TMEM132E: variants seen among roughly 807,000 people sequenced by gnomAD.
The protein encoded by TMEM132E is transmembrane protein 132E.
TMEM132E carries 49 observed loss-of-function variants against 78.5 expected under a neutral mutation model. The observed-to-expected ratio is 0.62, with a 90% CI of 0.50 to 0.79. The LOEUF (loss-of-function observed/expected upper bound fraction) is 0.79, where lower values mean the gene tolerates loss of function less well. Among genes scored for constraint, TMEM132E ranks in the 30% least tolerant of loss-of-function variants. TMEM132E has a pLI of 0.00. For synonymous variants in TMEM132E, 715 were observed against 670.6 expected (o/e 1.07, Z -1.02); for missense variants, 1,403 against 1,470.9 (o/e 0.95, Z 0.75).
chr17:34,625,385 C>G (rs1448031076), intron 1 of TMEM132E, among the ~76,000 whole-genome samples: 1 of 152,070 alleles, frequency 6.6e-6, no homozygotes, highest in Non-Finnish European at 1.5e-5. Flanking sequence ...CCTGGGGACC[C>G]TACACCAGCT....
rs202095057 is a variant in TMEM132E, at chr17:34,632,802, C to G, written c.1581C>G (p.Pro527=). 1.9e-6 allele frequency: 3 copies of G among 1,614,176 alleles called. No homozygotes were observed. In the East Asian group the frequency reaches 6.7e-5, roughly 36 times the overall value. Residue 527 remains proline, a synonymous_variant, in exon 6 of 9, where the codon CCC becomes CCG. Coordinates refer to ENST00000631683, the MANE Select transcript of TMEM132E (RefSeq NM_001304438.2). ...VTFRYDVLNA[P]LEMTVWVPKL... is the part of the protein sequence containing the mutation. ...TCCGCTACGACGTCCTCAATGCTCCCCTGGAAATGACAGTCTGGGTCCCCA... is the reference window on the plus strand; with the variant it reads ...TCCGCTACGACGTCCTCAATGCTCCGCTGGAAATGACAGTCTGGGTCCCCA...
rs775916369 is a variant in TMEM132E, at chr17:34,627,035, A to C, written c.976A>C (p.Ser326Arg). Residue 326 changes from serine to arginine, a missense_variant, in exon 2 of 9, where the codon AGC (serine) becomes CGC (arginine). Around this residue, in one of 3 missense-constraint regions of TMEM132E, gnomAD observed 511 missense variants for 499.0 expected, o/e 1.02. Transcript: ENST00000631683. The stretch of plus-strand genomic sequence containing the variant: ...CAACTCCTCCTCGCCCTCCAGCCCC[A>C]GCGTGGAGCACTTCACACTCAGGTA... ...APNSSSPSSP[S>R]VEHFTLRVKA... is the part of the protein sequence containing the mutation. 1.9e-6 allele frequency: 3 copies of C among 1,613,106 alleles called. No individual in the cohort carries two copies. The East Asian group carries it at 6.7e-5, about 36-fold the overall frequency.
At chr17:34,610,408 A>T (rs1906550353) in intron 1 of TMEM132E, among the ~76,000 whole-genome samples, 1 of 152,202 alleles carries the variant, frequency 6.6e-6, no homozygotes, top group Admixed American at 6.5e-5. Flanking sequence ...GTCTCTGCCC[A>T]AAGCAGGGCC....
chr17:34,638,143 T>G lies in TMEM132E; in HGVS notation c.3136T>G (p.Trp1046Gly). ...EDEEEEEDLG[W>G]GCPDVAGPTR... is the part of the protein sequence containing the mutation. ...CGAGGAGGAGGAAGAGGACCTGGGT[T>G]GGGGCTGCCCGGATGTGGCGGGCCC... Residue 1046 changes from tryptophan to glycine, a missense_variant, in exon 9 of 9, where the codon TGG becomes GGG. Trp to Gly is a radical substitution (Grantham distance 184, BLOSUM62 -2). Coordinates refer to ENST00000631683, the MANE Select transcript of TMEM132E (RefSeq NM_001304438.2). 6.2e-7 allele frequency: 1 copy of G among 1,610,038 alleles called. No homozygotes were observed. The highest frequency in any genetic ancestry group is 8.5e-7 in the Non-Finnish European group (1 of 1,178,916).
At chr17:34,617,753 T>G (rs1184868895) in intron 1 of TMEM132E, among the ~76,000 whole-genome samples, 1 of 152,196 alleles carries the variant, frequency 6.6e-6, no homozygotes, top group South Asian at 2.1e-4. Context: ...TCTTTCTTAT[T>G]TTTTTAAGGA....
chr17:34,637,757 G>T lies in TMEM132E; in HGVS notation c.2750G>T (p.Arg917Leu), dbSNP rs757230221. ...INCIVFVLRYRHKRIPPEGQT... is the reference protein window; with the variant it reads ...INCIVFVLRYLHKRIPPEGQT... ...TGCATCGTTTTTGTGCTGCGCTACCGGCACAAGCGCATCCCGCCCGAGGGC... is the reference window on the plus strand; with the variant it reads ...TGCATCGTTTTTGTGCTGCGCTACCTGCACAAGCGCATCCCGCCCGAGGGC... The change falls in exon 9 of 9, where the codon CGG (arginine) becomes CTG (leucine). Residue 917 changes from arginine (R) to leucine (L), a missense_variant. Physicochemically the swap from Arg to Leu is moderately radical, Grantham distance 102 (BLOSUM62 -2). Around this residue, in one of 3 missense-constraint regions of TMEM132E, gnomAD observed 888 missense variants for 952.8 expected, o/e 0.93. Transcript: ENST00000631683. 1 of 1,613,580 alleles carries T rather than the reference G, an allele frequency of 6.2e-7. No individual in the cohort carries two copies. Among genetic ancestry groups the T allele is most frequent in the Non-Finnish European group, 8.5e-7 (1 of 1,179,986 alleles).
intron 1 of TMEM132E, among the ~76,000 whole-genome samples, chr17:34,605,856 T>G (rs1906396101): frequency 6.6e-6 from 1 of 152,170 alleles, no homozygotes; most frequent in South Asian, 2.1e-4. Flanking sequence ...TTGAGACGTA[T>G]TCTTCTCGTG....
chr17:34,620,534 A>G (rs1223330465), intron 1 of TMEM132E, among the ~76,000 whole-genome samples: 1 of 152,358 alleles, frequency 6.6e-6, no homozygotes, highest in Middle Eastern at 3.4e-3. Flanking sequence ...AAAAACAACT[A>G]TGTGCCATCT....
At position 34,638,470 on chromosome 17, in the gene TMEM132E, A is replaced by G; in HGVS notation, c.*238A>G. The G allele has an allele frequency of 2.1e-6, 1 of 468,716 alleles. No homozygotes were observed. The highest frequency in any genetic ancestry group is 3.7e-6 in the Non-Finnish European group (1 of 270,054). The allele number at this position is 468,716 out of a possible 1,614,324, so 29.0% of individuals were successfully genotyped here. On this transcript the variant is annotated 3_prime_UTR_variant, in exon 9 of 9. Transcript: ENST00000631683. ...AGGGCTCTTCCTCCAGTGGCTCGTA[A>G]GGAGGAAAGCAACCCCAGCCTCTGT...
chr17:34,580,942 C>G lies in TMEM132E; in HGVS notation c.-135C>G. 1 of 590,760 alleles carries G rather than the reference C, an allele frequency of 1.7e-6. No individual in the cohort carries two copies. The highest frequency in any genetic ancestry group is 2.8e-5 in the South Asian group (1 of 35,146). 36.6% of individuals were successfully genotyped at this position (590,760 alleles called of 1,614,324 possible). On this transcript the variant is annotated 5_prime_UTR_variant, in exon 1 of 9. Coordinates refer to ENST00000631683, the MANE Select transcript of TMEM132E (RefSeq NM_001304438.2). ...CCCCGCAAAGTGTCCCCGAATTGCA[C>G]TCTCTGGTCCCGGAGCTGCATCTGA...
At position 34,588,910 on chromosome 17, in the gene TMEM132E, C is replaced by T. The variant is rs140477913; in HGVS notation, c.67+7767C>T. Among the ~76,000 whole-genome samples the T allele has an allele frequency of 1.3e-3, 204 of 152,252 alleles. 1 individual carries two copies. The highest frequency in any genetic ancestry group is 4.7e-3 in the African/African-American group (197 of 41,554). On this transcript the variant is annotated intron_variant, in intron 1 of 8. Transcript: ENST00000631683. ...CTGAGACTGCAGGTGTGCACCACCA[C>T]ACCTGGCTAATTTTTGTGTTTTTGG...
chr17:34,613,211 A>ACACAAACACGCGCGCG, intron 1 of TMEM132E, among the ~76,000 whole-genome samples: 1 of 115,856 alleles, frequency 8.6e-6, no homozygotes, highest in Non-Finnish European at 1.8e-5. Context: ...ACACACACAC[A>ACACAAACACGCGCGCG]CGCGCGCGCG....
chr17:34,592,283 G>A (rs966108764), intron 1 of TMEM132E, among the ~76,000 whole-genome samples: 2 of 152,118 alleles, frequency 1.3e-5, no homozygotes, highest in South Asian at 4.2e-4. Flanking sequence ...CAGCCCAACC[G>A]GGGTGGAGGA....
At position 34,616,419 on chromosome 17, in the gene TMEM132E, C is replaced by T. The variant is rs565086494; in HGVS notation, c.68-9708C>T. ...CTAGCTGCTGGTGGCTTCAGTGGCTCTTCCTCCCACCCACCCACTGAGGGA... is the reference window on the plus strand; with the variant it reads ...CTAGCTGCTGGTGGCTTCAGTGGCTTTTCCTCCCACCCACCCACTGAGGGA... On this transcript the variant is annotated intron_variant, in intron 1 of 8. Transcript: ENST00000631683. Among the ~76,000 whole-genome samples, 27 of 152,326 alleles carry T rather than the reference C, an allele frequency of 1.8e-4. 1 individual carries two copies. In the South Asian group the frequency reaches 4.3e-3, roughly 25 times the overall value.
chr17:34,600,466 A>G (rs982187718), intron 1 of TMEM132E, among the ~76,000 whole-genome samples: 1 of 72,662 alleles, frequency 1.4e-5, no homozygotes, highest in Non-Finnish European at 3.0e-5. Context: ...TGTGTGTGGC[A>G]GGGTGGGGAA....
At chr17:34,606,888 G>C (rs758408) in intron 1 of TMEM132E, among the ~76,000 whole-genome samples, 103,470 of 152,050 alleles carry the variant, frequency 0.68, 35,490 homozygotes, top group East Asian at 0.86. Context: ...CTCTCTCTCT[G>C]CTCCTTTCCT....
chr17:34,583,940 C>T (rs1229565521), intron 1 of TMEM132E, among the ~76,000 whole-genome samples: 1 of 152,228 alleles, frequency 6.6e-6, no homozygotes, highest in Admixed American at 6.5e-5. Context: ...AGTCTCCAGC[C>T]CTCTTCCAGG....
At chr17:34,589,536 G>C (rs79298089) in intron 1 of TMEM132E, among the ~76,000 whole-genome samples, 1 of 152,198 alleles carries the variant, frequency 6.6e-6, no homozygotes, top group South Asian at 2.1e-4. Context: ...ACATGCACTT[G>C]TTTGGCCTGT....
At position 34,580,067 on chromosome 17, in the gene TMEM132E, C is replaced by T. The variant is rs935567018; in HGVS notation, c.-1010C>T. On this transcript the variant is annotated 5_prime_UTR_variant, in exon 1 of 9. Transcript: ENST00000631683. ...CGAGGAGCGAGGCGGGGCAGCGCGC[C>T]TCTCTGCCGAGACAGCGAGACCTTA... is the stretch of plus-strand genomic sequence containing the variant. 4.6e-5 allele frequency: 7 copies of T among 152,592 alleles called. No homozygotes were observed. The highest frequency in any genetic ancestry group is 1.7e-4 in the African/African-American group (7 of 41,464). 9.5% of individuals were successfully genotyped at this position (152,592 alleles called of 1,614,324 possible).
Sources: allele counts gnomAD v4.1 joint callset (sites outside exome capture counted in the v4.1 genomes callset), GRCh38; gene constraint gnomAD v4.1.1; regional missense constraint gnomAD v4.1.1; transcripts MANE v1.5; gene names NCBI Gene and HGNC (gene_info 2026-07-23, HGNC 2026-07-21).